Variants in WDR59 observed in about 807,000 individuals in gnomAD.
The protein encoded by WDR59 is GATOR2 complex protein WDR59.
In WDR59, 100 loss-of-function variants were observed where a neutral mutation model predicts 131.2. The observed-to-expected ratio is 0.76, with a 90% CI of 0.65 to 0.90. The LOEUF (loss-of-function observed/expected upper bound fraction) is 0.90. Among genes scored for constraint, WDR59 ranks in the 40% least tolerant of loss-of-function variants. WDR59 has a pLI of 0.00. For missense variants in WDR59, 1,203 were observed against 1,262.2 expected (o/e 0.95, Z 0.71); for synonymous variants, 601 against 466.2 (o/e 1.29, Z -3.72).
chr16:74,918,091 TC>T, intron 10 of WDR59, 83 bp from the exon 11 acceptor site: 1 of 1,357,908 alleles, frequency 7.4e-7, no homozygotes, highest in Non-Finnish European at 1.0e-6. Context: ...GTGAGATTCA[TC>T]CATCCATTCA....
rs542464176 is a variant in WDR59 at position 74,898,478 on chromosome 16, C to G, written c.1867-4666G>C. On this transcript the variant is annotated intron_variant, in intron 18 of 25. Coordinates refer to ENST00000262144, the MANE Select transcript of WDR59 (RefSeq NM_030581.4). ...AGACAAATTATTACATGATGAGCAC[C>G]AGGCTGCCCCTCTGAACAAACCAAG... is the stretch of plus-strand genomic sequence containing the variant. 1.8e-4 allele frequency among the ~76,000 whole-genome samples: 28 copies of G among 152,240 alleles called. No homozygotes were observed. In the South Asian group the frequency reaches 5.4e-3, roughly 29 times the overall value.
At chr16:74,881,902 A>G (rs1230002882) in intron 25 of WDR59, among the ~76,000 whole-genome samples, 1 of 151,932 alleles carries the variant, frequency 6.6e-6, no homozygotes, top group Non-Finnish European at 1.5e-5. Context: ...AAAAAGAAAA[A>G]AAAAAGGAAA....
chr16:74,893,609 CAAAA>C, intron 19 of WDR59, 66 bp downstream of exon 19: 4 of 1,264,030 alleles, frequency 3.2e-6, no homozygotes, highest in South Asian at 1.7e-5. Context: ...TTCCCACACT[CAAAA>C]AAAAAAAAAG....
chr16:74,967,422 C>T (rs965640710), intron 1 of WDR59, among the ~76,000 whole-genome samples: 7 of 152,118 alleles, frequency 4.6e-5, no homozygotes, highest in African/African-American at 1.7e-4. Context: ...CTGTGGTAGG[C>T]AGAATCCTAA....
chr16:74,978,041 C>T (rs1203783027), intron 1 of WDR59, among the ~76,000 whole-genome samples: 2 of 151,772 alleles, frequency 1.3e-5, no homozygotes, highest in South Asian at 2.1e-4. Flanking sequence ...AGATTCCACC[C>T]CCACAAAAAA....
intron 1 of WDR59, among the ~76,000 whole-genome samples, chr16:74,977,795 A>G (rs2034247622): frequency 6.6e-6 from 1 of 152,252 alleles, no homozygotes; most frequent in Non-Finnish European, 1.5e-5. Flanking sequence ...AAATGTCCAT[A>G]AACAGGTGAA....
At position 74,965,680 on chromosome 16, in the gene WDR59, G is replaced by A. The variant is rs533425094; in HGVS notation, c.104+93C>T. On this transcript the variant is annotated intron_variant, in intron 2 of 25. Coordinates refer to ENST00000262144, the MANE Select transcript of WDR59 (RefSeq NM_030581.4). ...GAACTAAACCCTATGATCATAATCC[G>A]TAAATATAAGAATAGCTTCCAAGTT... The A allele has an allele frequency of 3.4e-5, 50 of 1,465,988 alleles. No homozygotes were observed. The African/African-American group carries it at 4.0e-4, about 12-fold the overall frequency. 90.8% of individuals were successfully genotyped at this position (1,465,988 alleles called of 1,614,324 possible). A position where few individuals can be genotyped will look rare whatever the true frequency, so the allele number is the denominator to read the frequency against.
rs545126945 is a variant in WDR59, at chr16:74,892,522, C to T, written c.2044G>A (p.Ala682Thr). 3.1e-5 allele frequency: 50 copies of T among 1,613,822 alleles called. No individual in the cohort carries two copies. In the Admixed American group the frequency reaches 3.8e-4, roughly 12 times the overall value. ...DIQETCQKNA[A>T]SALLVGRKDL... ...TTTCTTCCAACGAGCAAGGCAGAGG[C>T]GGCATTCTTCTGACATGTTTCCTGA... The change falls in exon 20 of 26, where the codon GCC (alanine) becomes ACC (threonine). Residue 682 changes from alanine to threonine, a missense_variant. By Grantham distance (58) the Ala-to-Thr change is moderately conservative. Transcript: ENST00000262144.
chr16:74,885,065 A>C (rs1964688449), intron 25 of WDR59, among the ~76,000 whole-genome samples: 1 of 152,234 alleles, frequency 6.6e-6, no homozygotes, highest in African/African-American at 2.4e-5. Context: ...ACTGTGCCTA[A>C]GAGGAGTCGG....
chr16:74,886,190 A>AT, intron 24 of WDR59, 80 bp downstream of exon 24: 1 of 1,448,712 alleles, frequency 6.9e-7, no homozygotes, highest in Admixed American at 2.1e-5. Context: ...AAAAAAAAAA[A>AT]GTAAGAGTTG....
intron 7 of WDR59, among the ~76,000 whole-genome samples, chr16:74,942,081 G>A (rs370750069): frequency 1.3e-5 from 2 of 152,032 alleles, no homozygotes; most frequent in Non-Finnish European, 2.9e-5. Context: ...CCTGTGCCAC[G>A]ACCCTCACTG....
At chr16:74,904,536 G>A (rs1024349637) in intron 17 of WDR59, among the ~76,000 whole-genome samples, 3 of 152,168 alleles carry the variant, frequency 2.0e-5, no homozygotes, top group African/African-American at 4.8e-5. Flanking sequence ...GACATACAAC[G>A]ATGGAGAAAT....
chr16:74,920,533 T>C (rs1597718874), intron 10 of WDR59, among the ~76,000 whole-genome samples: 1 of 152,184 alleles, frequency 6.6e-6, no homozygotes, highest in Admixed American at 6.5e-5. Flanking sequence ...CCGAAGTAGC[T>C]GGGACTACAG....
At chr16:74,978,276 C>T (rs778437173) in intron 1 of WDR59, among the ~76,000 whole-genome samples, 6 of 140,722 alleles carry the variant, frequency 4.3e-5, no homozygotes, top group Admixed American at 2.4e-4. Flanking sequence ...GAGCCGAGAT[C>T]GTGCGACTGC....
intron 1 of WDR59, among the ~76,000 whole-genome samples, chr16:74,975,074 AAGTC>A (rs1166260065): frequency 9.2e-5 from 14 of 152,288 alleles, no homozygotes; most frequent in Admixed American, 7.9e-4. Context: ...TGAATGAAGG[AAGTC>A]AGTCGGGCGC....
chr16:74,954,810 A>G (rs1042718916), intron 3 of WDR59, among the ~76,000 whole-genome samples: 2 of 152,260 alleles, frequency 1.3e-5, no homozygotes, highest in African/African-American at 4.8e-5. Context: ...GATACCTGCT[A>G]TAACATGGAT....
At chr16:74,949,660 A>C (rs2032878936) in intron 5 of WDR59, 58 bp downstream of exon 5, 1 of 1,522,826 alleles carries the variant, frequency 6.6e-7, no homozygotes, top group Non-Finnish European at 9.0e-7. Flanking sequence ...CTTGATCTCT[A>C]AAACAAAGGT....
chr16:74,912,143 C>G, intron 14 of WDR59, 55 bp downstream of exon 14: 1 of 1,608,988 alleles, frequency 6.2e-7, no homozygotes, highest in Non-Finnish European at 8.5e-7. Flanking sequence ...CTTTACTAAT[C>G]CATCTAGACA....
chr16:74,946,300 G>C (rs567620886), intron 6 of WDR59, among the ~76,000 whole-genome samples: 102 of 152,266 alleles, frequency 6.7e-4, no homozygotes, highest in Middle Eastern at 6.8e-3. Context: ...TCCAATGGGG[G>C]TCTTGGACTG....
Sources: allele counts gnomAD v4.1 joint callset (sites outside exome capture counted in the v4.1 genomes callset), GRCh38; gene constraint gnomAD v4.1.1; transcripts MANE v1.5; gene names NCBI Gene and HGNC (gene_info 2026-07-23, HGNC 2026-07-21).